Variants in CNTN5 observed in about 807,000 individuals in gnomAD.
CNTN5 encodes contactin-5.
Under a neutral mutation model 129.1 loss-of-function variants are expected in CNTN5, and 77 were observed. That is an observed-to-expected ratio of 0.60 (90% CI 0.50 to 0.72). CNTN5 has a LOEUF of 0.72. Among genes scored for constraint, CNTN5 ranks in the 30% least tolerant of loss-of-function variants. The pLI is 0.00. For missense variants in CNTN5, 1,478 were observed against 1,328.8 expected (o/e 1.11, Z -1.75); for synonymous variants, 509 against 465.6 (o/e 1.09, Z -1.20).
chr11:100,036,225 A>C (rs1212057470), intron 9 of CNTN5, among the ~76,000 whole-genome samples: 1 of 152,122 alleles, frequency 6.6e-6, no homozygotes, highest in East Asian at 1.9e-4. Flanking sequence ...TAAATAGGGA[A>C]TCCTTTCCCC....
At chr11:99,763,136 CAAT>C (rs5794019) in intron 3 of CNTN5, among the ~76,000 whole-genome samples, 66,213 of 145,976 alleles carry the variant, frequency 0.45, 14,847 homozygotes, top group Non-Finnish European at 0.52. Context: ...ACTGTATCAA[CAAT>C]GTTTTCTCTG....
chr11:99,434,581 A>G (rs1943527888), intron 2 of CNTN5, among the ~76,000 whole-genome samples: 1 of 152,160 alleles, frequency 6.6e-6, no homozygotes, highest in Non-Finnish European at 1.5e-5. Flanking sequence ...GTGTTAAGCA[A>G]TAACATACGG....
chr11:99,217,153 C>A (rs2135690546), intron 1 of CNTN5, among the ~76,000 whole-genome samples: 1 of 152,268 alleles, frequency 6.6e-6, no homozygotes, highest in Admixed American at 6.5e-5. Context: ...GCACTCCAGC[C>A]TGGGCAACAA....
At chr11:99,182,899 T>C (rs1381331) in intron 1 of CNTN5, among the ~76,000 whole-genome samples, 15,023 of 152,138 alleles carry the variant, frequency 0.099, 1,292 homozygotes, top group East Asian at 0.4. Flanking sequence ...ATCAAGAAGA[T>C]GCTAAAAGGA....
intron 7 of CNTN5, among the ~76,000 whole-genome samples, chr11:99,916,508 A>G (rs1469583955): frequency 6.6e-6 from 1 of 152,156 alleles, no homozygotes; most frequent in Non-Finnish European, 1.5e-5. Context: ...GAATACCAAT[A>G]TGCGTCTTGT....
chr11:99,845,403 C>T lies in CNTN5; in HGVS notation c.577+141C>T, dbSNP rs375728971. The T allele has an allele frequency of 9.0e-4, 357 of 394,790 alleles. 7 individuals carry two copies. The East Asian group carries it at 0.012, about 14-fold the overall frequency. The allele number at this position is 394,790 out of a possible 1,614,324, so 24.5% of individuals were successfully genotyped here. On this transcript the variant is annotated intron_variant, in intron 6 of 24. Coordinates refer to ENST00000524871, the MANE Select transcript of CNTN5 (RefSeq NM_014361.4). ...TTTTTTTTTTTTTGAGGCGGAGTCT[C>T]GCTCTGTCGCCCAGGCTGGAGTGCA...
At chr11:99,601,309 T>C (rs1477610373) in intron 3 of CNTN5, among the ~76,000 whole-genome samples, 1 of 152,164 alleles carries the variant, frequency 6.6e-6, no homozygotes, top group Non-Finnish European at 1.5e-5. Flanking sequence ...CCCTTCTAAG[T>C]CCACTTAGTA....
intron 9 of CNTN5, among the ~76,000 whole-genome samples, chr11:100,035,052 T>C (rs1188374626): frequency 1.3e-5 from 2 of 152,252 alleles, no homozygotes; most frequent in South Asian, 2.1e-4. Flanking sequence ...CCATGTGCCA[T>C]GTTGGTGTGC....
chr11:99,412,597 A>T (rs1327292662), intron 2 of CNTN5, among the ~76,000 whole-genome samples: 1 of 152,176 alleles, frequency 6.6e-6, no homozygotes, highest in Admixed American at 6.5e-5. Flanking sequence ...ATTACACATA[A>T]TCTTCACAAT....
At chr11:99,868,549 A>G (rs1288405811) in intron 6 of CNTN5, among the ~76,000 whole-genome samples, 1 of 152,210 alleles carries the variant, frequency 6.6e-6, no homozygotes, top group South Asian at 2.1e-4. Context: ...CCATTTCGCA[A>G]ACTATTCATA....
chr11:99,282,429 G>A (rs1290615760), intron 1 of CNTN5, among the ~76,000 whole-genome samples: 2 of 151,910 alleles, frequency 1.3e-5, no homozygotes, highest in African/African-American at 4.8e-5. Context: ...GTATGATGAG[G>A]GAAATGTGAG....
intron 1 of CNTN5, among the ~76,000 whole-genome samples, chr11:99,033,080 A>G (rs989873742): frequency 3.4e-5 from 5 of 148,160 alleles, no homozygotes; most frequent in African/African-American, 1.0e-4. Flanking sequence ...ATAGTTGTAG[A>G]TATGCGGCGT....
chr11:99,580,240 TAGTG>T (rs1949526133), intron 3 of CNTN5, among the ~76,000 whole-genome samples: 1 of 152,204 alleles, frequency 6.6e-6, no homozygotes, highest in Non-Finnish European at 1.5e-5. Flanking sequence ...GCCAGTATTT[TAGTG>T]AGGATTTTTG....
chr11:99,357,677 A>C (rs937023249), intron 2 of CNTN5, among the ~76,000 whole-genome samples: 2 of 152,192 alleles, frequency 1.3e-5, no homozygotes, highest in African/African-American at 4.8e-5. Flanking sequence ...ATCAGATGAG[A>C]TCATGTGAAA....
At chr11:100,304,730 G>A (rs1169271929) in intron 20 of CNTN5, among the ~76,000 whole-genome samples, 1 of 151,258 alleles carries the variant, frequency 6.6e-6, no homozygotes, top group East Asian at 2.0e-4. Flanking sequence ...AGTGCTCAGG[G>A]CCTGACTACC....
At chr11:99,170,356 T>C (rs1438308939) in intron 1 of CNTN5, among the ~76,000 whole-genome samples, 1 of 152,156 alleles carries the variant, frequency 6.6e-6, no homozygotes, top group Non-Finnish European at 1.5e-5. Context: ...CAAGGAAGGT[T>C]GAAAACCAGC....
chr11:99,903,089 A>G (rs1004715080), intron 6 of CNTN5, among the ~76,000 whole-genome samples: 5 of 152,122 alleles, frequency 3.3e-5, no homozygotes, highest in African/African-American at 1.2e-4. Flanking sequence ...TGATTAAACT[A>G]TACAACAGCA....
At chr11:99,720,859 G>T (rs1467112808) in intron 3 of CNTN5, among the ~76,000 whole-genome samples, 2 of 151,952 alleles carry the variant, frequency 1.3e-5, no homozygotes, top group Non-Finnish European at 2.9e-5. Flanking sequence ...AAAACCAAAA[G>T]GCAAACCAAA....
intron 15 of CNTN5, among the ~76,000 whole-genome samples, chr11:100,219,556 G>A (rs190155067): frequency 6.6e-6 from 1 of 152,218 alleles, no homozygotes; most frequent in African/African-American, 2.4e-5. Flanking sequence ...TTGTGGCTAG[G>A]GAAAACACAA....
Sources: gnomAD v4.1 joint callset for allele counts (sites outside exome capture counted in the v4.1 genomes callset) on GRCh38, gnomAD v4.1.1 for gene constraint, MANE v1.5 for transcripts, NCBI Gene and HGNC (gene_info 2026-07-23, HGNC 2026-07-21) for gene names.